TTC33: variants seen among roughly 807,000 people sequenced by gnomAD.
The protein encoded by TTC33 is tetratricopeptide repeat domain 33, also known as tetratricopeptide repeat protein 33.
TTC33 carries 24 observed loss-of-function variants against 29.4 expected under a neutral mutation model. That is an observed-to-expected ratio of 0.82 (90% CI 0.59 to 1.15). TTC33 has a LOEUF of 1.15. Among genes scored for constraint, TTC33 ranks in the 50% most tolerant of loss-of-function variants. TTC33 has a pLI of 0.00. For missense variants in TTC33, 286 were observed against 310.4 expected (o/e 0.92, Z 0.59); for synonymous variants, 107 against 100.3 (o/e 1.07, Z -0.40).
chr5:40,734,019 G>C (rs1389552074), intron 2 of TTC33, among the ~76,000 whole-genome samples: 1 of 152,210 alleles, frequency 6.6e-6, no homozygotes, highest in Non-Finnish European at 1.5e-5. Flanking sequence ...GCTGCCAGCA[G>C]AGGCATCCCT....
Position 40,755,883 on chromosome 5 carries a change from G to C in TTC33, c.-61C>G, listed in dbSNP as rs145110911. 37 of 152,444 alleles carry C rather than the reference G, an allele frequency of 2.4e-4. No homozygotes were observed. Among genetic ancestry groups the C allele is most frequent in the African/African-American group, 8.7e-4 (36 of 41,540 alleles). The allele number at this position is 152,444 out of a possible 1,614,324, so 9.4% of individuals were successfully genotyped here. ...GGGTTTGGCCCACCCCTGGGCGTTC[G>C]AACAGTCCACAGAAGCGGGCAAAGG... On this transcript the variant is annotated 5_prime_UTR_variant, in exon 1 of 5. Coordinates refer to ENST00000337702, the MANE Select transcript of TTC33 (RefSeq NM_012382.3).
chr5:40,733,669 T>C (rs1742485426), intron 2 of TTC33, among the ~76,000 whole-genome samples: 3 of 152,164 alleles, frequency 2.0e-5, no homozygotes. Flanking sequence ...TTAACATTCT[T>C]CAAGGCAAAG....
At chr5:40,735,999 T>C (rs1457778143) in intron 2 of TTC33, among the ~76,000 whole-genome samples, 1 of 152,174 alleles carries the variant, frequency 6.6e-6, no homozygotes, top group Non-Finnish European at 1.5e-5. Context: ...ATGGATGTTA[T>C]CAGGGTATGT....
chr5:40,717,355 G>T (rs1158966950), intron 4 of TTC33, among the ~76,000 whole-genome samples: 1 of 152,024 alleles, frequency 6.6e-6, no homozygotes, highest in Admixed American at 6.6e-5. Context: ...GAAACCAAAG[G>T]TATCAGCTGG....
chr5:40,739,066 C>T (rs1232000242), intron 2 of TTC33, among the ~76,000 whole-genome samples: 2 of 152,172 alleles, frequency 1.3e-5, no homozygotes, highest in Admixed American at 1.3e-4. Context: ...TGACCACATA[C>T]ATGTGGGTCA....
rs370885868 is a variant in TTC33, at chr5:40,716,102, G to A, written c.*43C>T. On this transcript the variant is annotated 3_prime_UTR_variant, in exon 5 of 5. Coordinates refer to ENST00000337702, the MANE Select transcript of TTC33 (RefSeq NM_012382.3). Reference sequence around the variant, plus strand: ...ATGTCTCTATGTCAAAACTTCAAGAGGCAATCAAAAAGACAGATTCAAATA... The same window carrying A: ...ATGTCTCTATGTCAAAACTTCAAGAAGCAATCAAAAAGACAGATTCAAATA... 3 of 1,473,558 alleles carry A rather than the reference G, an allele frequency of 2.0e-6. No homozygotes were observed. Among genetic ancestry groups the A allele is most frequent in the South Asian group, 2.8e-5 (2 of 72,288 alleles). The allele number at this position is 1,473,558 out of a possible 1,614,324, so 91.3% of individuals were successfully genotyped here.
intron 4 of TTC33, among the ~76,000 whole-genome samples, chr5:40,727,333 T>C (rs1387603618): frequency 1.3e-5 from 2 of 152,214 alleles, no homozygotes; most frequent in Admixed American, 6.5e-5. Context: ...CACTGTATAT[T>C]AGATTTGCAA....
intron 1 of TTC33, among the ~76,000 whole-genome samples, chr5:40,754,615 CAA>C (rs1358019231): frequency 1.3e-5 from 2 of 152,148 alleles, no homozygotes; most frequent in Non-Finnish European, 2.9e-5. Flanking sequence ...AGGCCATTAG[CAA>C]AGTTTTATAT....
Position 40,746,882 on chromosome 5 carries a change from C to T in TTC33, c.137G>A (p.Arg46His), listed in dbSNP as rs568573931. 20 of 1,614,082 alleles carry T rather than the reference C, an allele frequency of 1.2e-5. No individual in the cohort carries two copies. Among genetic ancestry groups the T allele is most frequent in the South Asian group, 9.9e-5 (9 of 91,080 alleles). ...GCCTTCAAGAAGAATTTCTTTCCTA[C>T]GTTTAATGGCATGAAGCCAGTTCCC... ...DEGNWLHAIK[R>H]RKEILLEGCA... The change falls in exon 2 of 5, where the codon CGT (arginine) becomes CAT (histidine). Residue 46 changes from arginine to histidine, a missense_variant. Coordinates refer to ENST00000337702, the MANE Select transcript of TTC33 (RefSeq NM_012382.3).
intron 1 of TTC33, among the ~76,000 whole-genome samples, chr5:40,750,309 C>G (rs1742871720): frequency 6.6e-6 from 1 of 152,102 alleles, no homozygotes; most frequent in Admixed American, 6.5e-5. Context: ...TTGGCTCACG[C>G]CTGTAATCCT....
In TTC33 at chr5:40,738,552, T is replaced by TAA. The variant is rs1222559899; in HGVS notation, c.222-8211_222-8210dup. ...TACAATAAAATACAATAAAATAAAA[T>TAA]AAAATAAAATAAAATATAAAATAAA... is the stretch of plus-strand genomic sequence containing the variant. On this transcript the variant is annotated intron_variant, in intron 2 of 4. Coordinates refer to ENST00000337702, the MANE Select transcript of TTC33 (RefSeq NM_012382.3). 3.0e-3 allele frequency among the ~76,000 whole-genome samples: 335 copies of TAA among 112,342 alleles called. 2 individuals are homozygous for TAA. The highest frequency in any genetic ancestry group is 9.5e-3 in the African/African-American group (317 of 33,262). The allele number at this position is 112,342 out of a possible 152,430, so 73.7% of individuals were successfully genotyped here. A position where few individuals can be genotyped will look rare whatever the true frequency, so the allele number is the denominator to read the frequency against.
In TTC33 at chr5:40,746,784, C is replaced by A. The variant is rs760747653; in HGVS notation, c.221+14G>T. On this transcript the variant is annotated intron_variant, in intron 2 of 4. Coordinates refer to ENST00000337702, the MANE Select transcript of TTC33 (RefSeq NM_012382.3). ...TAAGCTCTTCTCCATAAAAAAAAAA[C>A]TTTAAATACATACCTTTTATTTTCA... The A allele has an allele frequency of 1.3e-6, 2 of 1,587,906 alleles. No homozygotes were observed. Among genetic ancestry groups the A allele is most frequent in the Non-Finnish European group, 1.7e-6 (2 of 1,166,488 alleles).
At chr5:40,738,529 CAATAAAATACAATAAAATAAAATAA>C (rs1742614804) in intron 2 of TTC33, among the ~76,000 whole-genome samples, 3 of 82,082 alleles carry the variant, frequency 3.7e-5, no homozygotes, top group South Asian at 8.5e-4. Flanking sequence ...AAATAAAATA[CAATAAAATACAATAAAATAAAATAA>C]AATAAAATAA....
In TTC33 at chr5:40,712,633, A is replaced by AG. The variant is rs1226057393; in HGVS notation, c.*3511dup. Reference sequence around the variant, plus strand: ...ACTTTCACTGCAAGGTTCACAATGTAGCTGGCAAGAGACCACAACATCGGT... The same window carrying AG: ...ACTTTCACTGCAAGGTTCACAATGTAGGCTGGCAAGAGACCACAACATCGGT... On this transcript the variant is annotated 3_prime_UTR_variant, in exon 5 of 5. Coordinates refer to ENST00000337702, the MANE Select transcript of TTC33 (RefSeq NM_012382.3). Among the ~76,000 whole-genome samples, 2 of 152,208 alleles carry AG rather than the reference A, an allele frequency of 1.3e-5. No individual in the cohort carries two copies. The highest frequency in any genetic ancestry group is 4.8e-5 in the African/African-American group (2 of 41,454).
At chr5:40,724,519 G>A (rs928671921) in intron 4 of TTC33, among the ~76,000 whole-genome samples, 12 of 151,994 alleles carry the variant, frequency 7.9e-5, no homozygotes, top group African/African-American at 2.9e-4. Flanking sequence ...TATAGTCCCA[G>A]CTACTTGGGA....
chr5:40,714,034 C>G lies in TTC33; in HGVS notation c.*2111G>C, dbSNP rs1012206712. Among the ~76,000 whole-genome samples, 14 of 152,070 alleles carry G rather than the reference C, an allele frequency of 9.2e-5. No homozygotes were observed. Among genetic ancestry groups the G allele is most frequent in the Admixed American group, 2.6e-4 (4 of 15,260 alleles). ...GTCTAAACTATTTTATGTCTTATAT[C>G]TGGGTAAGAAAGAGACTAACTTGGC... On this transcript the variant is annotated 3_prime_UTR_variant, in exon 5 of 5. Transcript: ENST00000337702.
At chr5:40,723,795 G>A (rs1742214021) in intron 4 of TTC33, among the ~76,000 whole-genome samples, 1 of 151,642 alleles carries the variant, frequency 6.6e-6, no homozygotes, top group Non-Finnish European at 1.5e-5. Flanking sequence ...AACCCGGGAG[G>A]CAGAGGTTAC....
At chr5:40,736,595 A>G (rs1261421763) in intron 2 of TTC33, among the ~76,000 whole-genome samples, 1 of 152,198 alleles carries the variant, frequency 6.6e-6, no homozygotes, top group Non-Finnish European at 1.5e-5. Flanking sequence ...GAACAAAATA[A>G]TTTACAAAAA....
chr5:40,748,486 G>A (rs1360075534), intron 1 of TTC33, among the ~76,000 whole-genome samples: 1 of 152,138 alleles, frequency 6.6e-6, no homozygotes, highest in Non-Finnish European at 1.5e-5. Context: ...GTGAGCCACC[G>A]CACCTGGCAA....
Sources: allele counts gnomAD v4.1 joint callset (sites outside exome capture counted in the v4.1 genomes callset), GRCh38; gene constraint gnomAD v4.1.1; transcripts MANE v1.5; gene names NCBI Gene and HGNC (gene_info 2026-07-23, HGNC 2026-07-21).